Variants in CUL2 observed in about 807,000 individuals in gnomAD.
CUL2 encodes the protein cullin 2, also known as cullin-2.
CUL2 carries 22 observed loss-of-function variants against 110.2 expected under a neutral mutation model. The ratio of observed to expected loss-of-function variants is 0.20; its 90% CI spans 0.14 to 0.28. The LOEUF is 0.28. Among genes scored for constraint, CUL2 ranks in the 10% least tolerant of loss-of-function variants. CUL2 has a pLI of 1.00. For synonymous variants in CUL2, 279 were observed against 293.2 expected (o/e 0.95, Z 0.49); for missense variants, 631 against 905.5 (o/e 0.70, Z 3.89).
At chr10:35,104,990 A>T (rs989588396) in intron 1 of CUL2, among the ~76,000 whole-genome samples, 2 of 151,832 alleles carry the variant, frequency 1.3e-5, no homozygotes, top group East Asian at 3.9e-4. Context: ...GGGCCTCCCA[A>T]TGTGCTGGGA....
In CUL2 at chr10:35,083,112, G is replaced by A. The variant is rs183327568; in HGVS notation, c.-23+7067C>T. On this transcript the variant is annotated intron_variant, in intron 1 of 20. Coordinates refer to ENST00000374749, the MANE Select transcript of CUL2 (RefSeq NM_003591.4). ...GCAAAGGTTGCAGTGAGCCAAGATC[G>A]AGCCACTGCACTCCAGCCTGCATGA... is the stretch of plus-strand genomic sequence containing the variant. Among the ~76,000 whole-genome samples the A allele has an allele frequency of 3.6e-3, 527 of 146,546 alleles. 5 individuals are homozygous for A. The highest frequency in any genetic ancestry group is 0.013 in the African/African-American group (504 of 39,230).
At chr10:35,040,010 A>G (rs1175173144) in intron 8 of CUL2, among the ~76,000 whole-genome samples, 1 of 152,076 alleles carries the variant, frequency 6.6e-6, no homozygotes, top group Non-Finnish European at 1.5e-5. Flanking sequence ...AAAATTAGCC[A>G]GGTGTGGTGG....
chr10:35,019,701 A>G (rs1370541328), intron 17 of CUL2, among the ~76,000 whole-genome samples: 1 of 152,246 alleles, frequency 6.6e-6, no homozygotes, highest in Non-Finnish European at 1.5e-5. Context: ...AAGAGCGGGC[A>G]GAACTCTCAC....
chr10:35,094,481 C>T (rs958486944), upstream of CUL2, among the ~76,000 whole-genome samples: 1 of 152,140 alleles, frequency 6.6e-6, no homozygotes, highest in Non-Finnish European at 1.5e-5. Context: ...GTGATTTGCC[C>T]GCCTGGGCCT....
chr10:35,014,986 A>G (rs1194873063), intron 18 of CUL2, among the ~76,000 whole-genome samples: 4 of 152,060 alleles, frequency 2.6e-5, no homozygotes. Flanking sequence ...TAATTAATTA[A>G]CCTTAAGAAA....
intron 1 of CUL2, chr10:35,074,118 G>A: frequency 7.3e-7 from 1 of 1,378,454 alleles, no homozygotes; most frequent in Non-Finnish European, 1.0e-6. Flanking sequence ...GGATACAGTG[G>A]ACAAAACAAA....
At chr10:35,101,343 T>A (rs760325750) in intron 1 of CUL2, among the ~76,000 whole-genome samples, 2 of 152,178 alleles carry the variant, frequency 1.3e-5, no homozygotes, top group Non-Finnish European at 1.5e-5. Flanking sequence ...AGACAACGGG[T>A]CTACCATTGT....
upstream of CUL2, among the ~76,000 whole-genome samples, chr10:35,091,080 C>T (rs1450917840): frequency 6.6e-6 from 1 of 152,200 alleles, no homozygotes; most frequent in African/African-American, 2.4e-5. Flanking sequence ...CCCACCTTCA[C>T]CAAGCCCCAA....
chr10:35,030,254 T>C (rs1251499662), intron 14 of CUL2, among the ~76,000 whole-genome samples: 3 of 152,260 alleles, frequency 2.0e-5, no homozygotes, highest in Non-Finnish European at 4.4e-5. Context: ...AGGCATATTT[T>C]TAATAGCATC....
chr10:35,012,116 C>T (rs2084918390), intron 19 of CUL2, 152 bp from the exon 20 acceptor site: 2 of 574,072 alleles, frequency 3.5e-6, no homozygotes, highest in South Asian at 2.1e-5. Flanking sequence ...TTCAGTGACT[C>T]GCTCTCAGCT....
intron 1 of CUL2, among the ~76,000 whole-genome samples, chr10:35,126,115 C>T (rs1382647380): frequency 2.6e-5 from 4 of 151,676 alleles, no homozygotes; most frequent in African/African-American, 4.9e-5. Context: ...AGCCCCCGGC[C>T]GACCTTTCTA....
At position 35,008,804 on chromosome 10, in the gene CUL2, T is replaced by C. The variant is rs1391203903; in HGVS notation, c.*1507A>G. 6.6e-6 allele frequency: 1 copy of C among 152,210 alleles called. No individual in the cohort carries two copies. Among genetic ancestry groups the C allele is most frequent in the Non-Finnish European group, 1.5e-5 (1 of 68,038 alleles). The allele number at this position is 152,210 out of a possible 1,614,324, so 9.4% of individuals were successfully genotyped here. A position where few individuals can be genotyped will look rare whatever the true frequency, so the allele number is the denominator to read the frequency against. On this transcript the variant is annotated 3_prime_UTR_variant, in exon 21 of 21. Transcript: ENST00000374749. ...ACAACAAATTTAAATATGAACCACA[T>C]ATTAGATGATACTAAGTAATTATTG... is the stretch of plus-strand genomic sequence containing the variant.
At chr10:35,059,008 C>G (rs931074618) in intron 4 of CUL2, among the ~76,000 whole-genome samples, 2 of 152,130 alleles carry the variant, frequency 1.3e-5, no homozygotes, top group African/African-American at 4.8e-5. Context: ...GAAGTGGATC[C>G]TGAAGATGGG....
chr10:35,026,545 A>G (rs2085339027), intron 16 of CUL2, among the ~76,000 whole-genome samples: 1 of 152,178 alleles, frequency 6.6e-6, no homozygotes, highest in Non-Finnish European at 1.5e-5. Context: ...TCCAAGCTCT[A>G]AAAACATGTT....
chr10:35,076,899 A>G (rs1342700842), intron 1 of CUL2, among the ~76,000 whole-genome samples: 1 of 152,094 alleles, frequency 6.6e-6, no homozygotes, highest in African/African-American at 2.4e-5. Flanking sequence ...AAATACAAAA[A>G]AAATTAGCCA....
At chr10:35,040,637 C>T (rs1443389513) in intron 8 of CUL2, among the ~76,000 whole-genome samples, 1 of 152,162 alleles carries the variant, frequency 6.6e-6, no homozygotes, top group Non-Finnish European at 1.5e-5. Flanking sequence ...GTCACAGACT[C>T]AGGTCGGGCA....
At position 35,082,448 on chromosome 10, in the gene CUL2, C is replaced by T. The variant is rs115446007; in HGVS notation, c.-23+7731G>A. Among the ~76,000 whole-genome samples the T allele has an allele frequency of 3.2e-3, 481 of 152,014 alleles. 1 individual carries two copies. Among genetic ancestry groups the T allele is most frequent in the African/African-American group, 0.011 (457 of 41,448 alleles). ...TGGTTGTACAGTTTCTGTCTAGTAA[C>T]GAAAAAGTTTTGGAAATGGTGGTTT... On this transcript the variant is annotated intron_variant, in intron 1 of 20. Coordinates refer to ENST00000374749, the MANE Select transcript of CUL2 (RefSeq NM_003591.4).
At chr10:35,086,406 A>G (rs1309119296) in intron 1 of CUL2, among the ~76,000 whole-genome samples, 1 of 151,704 alleles carries the variant, frequency 6.6e-6, no homozygotes, top group African/African-American at 2.4e-5. Flanking sequence ...TCTCACCTCA[A>G]CCTCCCTAGC....
chr10:35,046,538 A>G (rs2085945798), intron 6 of CUL2, among the ~76,000 whole-genome samples: 1 of 152,200 alleles, frequency 6.6e-6, no homozygotes, highest in African/African-American at 2.4e-5. Context: ...TCATCCTGGT[A>G]AAGTTTAAAA....
Sources: allele counts gnomAD v4.1 joint callset (sites outside exome capture counted in the v4.1 genomes callset), GRCh38; gene constraint gnomAD v4.1.1; transcripts MANE v1.5; gene names NCBI Gene and HGNC (gene_info 2026-07-23, HGNC 2026-07-21).